The following MLH3 variants were observed in gnomAD, a reference collection of about 807,000 sequenced individuals.
MLH3 encodes the protein DNA mismatch repair protein Mlh3.
A neutral mutation model predicts 122.2 loss-of-function variants in MLH3; 82 were observed. The ratio of observed to expected loss-of-function variants is 0.67; its 90% CI spans 0.56 to 0.81. MLH3 has a LOEUF of 0.81. Among genes scored for constraint, MLH3 ranks in the 30% least tolerant of loss-of-function variants. The probability of loss-of-function intolerance (pLI) is 0.00; values close to 1 mark genes in which losing one functional copy is unlikely to be tolerated. For missense variants in MLH3, 1,539 were observed against 1,714.5 expected, an observed-to-expected ratio of 0.90 and a Z score of 1.81; for synonymous variants, 524 against 599.5, an observed-to-expected ratio of 0.87 and a Z score of 1.84.
chr14:75,029,108 C>T (rs1350856602), intron 9 of MLH3, among the ~76,000 whole-genome samples: 3 of 130,296 alleles, frequency 2.3e-5, no homozygotes, highest in Non-Finnish European at 4.6e-5. Context: ...TGAGATTGTG[C>T]CATTGCACTC....
intron 2 of MLH3, among the ~76,000 whole-genome samples, chr14:75,045,033 T>C (rs1337363040): frequency 6.6e-6 from 1 of 152,082 alleles, no homozygotes; most frequent in Non-Finnish European, 1.5e-5. Flanking sequence ...TGTGGTACGA[T>C]CTAAAAGCTA....
chr14:75,019,111 C>T lies in MLH3; in HGVS notation c.4091-131G>A, dbSNP rs1041830761. The stretch of plus-strand genomic sequence containing the variant: ...CTTCTTTAATGAAGCTTTAATCCTG[C>T]TTGAAATTGGTGCTTATAGGCCGGG... On this transcript the variant is annotated intron_variant, in intron 11 of 12. Coordinates refer to ENST00000355774, the MANE Select transcript of MLH3 (RefSeq NM_001040108.2). 5 of 874,116 alleles carry T rather than the reference C, an allele frequency of 5.7e-6. No homozygotes were observed. In the East Asian group the frequency reaches 1.3e-4, roughly 23 times the overall value. The allele number at this position is 874,116 out of a possible 1,614,324, so 54.1% of individuals were successfully genotyped here.
rs1229183661 is a variant in MLH3 at position 75,049,661 on chromosome 14, G to A, written c.-6C>T. ...ACTGACAAGCACTTGATCATGGTAG[G>A]TAGAAAGATGGTGAGAATGCCAGGC... On this transcript the variant is annotated 5_prime_UTR_variant, in exon 2 of 13. Transcript: ENST00000355774. 3 of 1,613,010 alleles carry A rather than the reference G, an allele frequency of 1.9e-6. No homozygotes were observed. Among genetic ancestry groups the A allele is most frequent in the African/African-American group, 2.7e-5 (2 of 74,924 alleles).
At chr14:75,028,754 T>C (rs1890829850) in intron 9 of MLH3, among the ~76,000 whole-genome samples, 1 of 151,858 alleles carries the variant, frequency 6.6e-6, no homozygotes, top group South Asian at 2.1e-4. Flanking sequence ...TAGCCTAACG[T>C]TGATCAGAAG....
chr14:75,024,636 T>G (rs1262887633), intron 9 of MLH3, among the ~76,000 whole-genome samples: 2 of 152,244 alleles, frequency 1.3e-5, no homozygotes, highest in Non-Finnish European at 2.9e-5. Flanking sequence ...TAGAAGGATG[T>G]ATTAATGATC....
chr14:75,029,340 GAA>G (rs1282288276), intron 9 of MLH3, among the ~76,000 whole-genome samples: 3 of 152,072 alleles, frequency 2.0e-5, no homozygotes, highest in Non-Finnish European at 4.4e-5. Flanking sequence ...TGGCAGAGGT[GAA>G]AGAAAATCTG....
chr14:75,050,508 T>C (rs933974981), intron 1 of MLH3, among the ~76,000 whole-genome samples: 1 of 152,062 alleles, frequency 6.6e-6, no homozygotes, highest in Non-Finnish European at 1.5e-5. Flanking sequence ...CAAGCAATCC[T>C]CCAGCCTTAG....
In MLH3 at chr14:75,047,723, T is replaced by C; in HGVS notation, c.1933A>G (p.Arg645Gly). 1 of 1,614,194 alleles carries C rather than the reference T, an allele frequency of 6.2e-7. No individual in the cohort carries two copies. The highest frequency in any genetic ancestry group is 8.5e-7 in the Non-Finnish European group (1 of 1,180,022). Residue 645 changes from arginine (R) to glycine (G), a missense_variant, in exon 2 of 13, where the codon AGA becomes GGA. Physicochemically the swap from Arg to Gly is moderately radical, Grantham distance 125 (BLOSUM62 -2). Transcript: ENST00000355774. ...PTRAQETFGNRTRHSVETPDI... is the reference protein window; with the variant it reads ...PTRAQETFGNGTRHSVETPDI... ...GGAGTTTCAACTGAATGACGTGTTC[T>C]ATTTCCAAATGTTTCTTGGGCACGT...
chr14:75,046,014 A>G (rs1443127967), intron 2 of MLH3, among the ~76,000 whole-genome samples: 1 of 152,002 alleles, frequency 6.6e-6, no homozygotes. Context: ...TCCTGTCTCT[A>G]CTGAAAATAA....
chr14:75,044,457 C>T (rs1209216920), intron 2 of MLH3, among the ~76,000 whole-genome samples: 1 of 152,124 alleles, frequency 6.6e-6, no homozygotes, highest in East Asian at 1.9e-4. Context: ...TTTTTGGCAC[C>T]ATATCAGAAG....
At chr14:75,019,804 A>G (rs1890155565) in intron 11 of MLH3, among the ~76,000 whole-genome samples, 3 of 152,236 alleles carry the variant, frequency 2.0e-5, no homozygotes, top group Admixed American at 6.5e-5. Context: ...CAGTCAACAA[A>G]TATTTATTAA....
In MLH3 at chr14:75,041,685, G is replaced by GTA; in HGVS notation, c.3393_3394dup (p.Thr1132IlefsTer30). On this transcript the variant is annotated frameshift_variant, in exon 4 of 13. Coordinates refer to ENST00000355774, the MANE Select transcript of MLH3 (RefSeq NM_001040108.2). LOFTEE classifies it high-confidence loss of function. ...AGACTGAAGCGATTCGCTACTAACA[G>GTA]TATCATCCACAGTATCTAGGGCAAA... 1 of 1,613,678 alleles carries GTA rather than the reference G, an allele frequency of 6.2e-7. No individual in the cohort carries two copies. Among genetic ancestry groups the GTA allele is most frequent in the Non-Finnish European group, 8.5e-7 (1 of 1,179,588 alleles).
intron 6 of MLH3, among the ~76,000 whole-genome samples, chr14:75,037,894 T>A (rs1214398424): frequency 6.6e-6 from 1 of 152,190 alleles, no homozygotes; most frequent in East Asian, 1.9e-4. Context: ...TTAATGTGCA[T>A]CCTGAGTATA....
At position 75,046,697 on chromosome 14, in the gene MLH3, G is replaced by A. The variant is rs933183454; in HGVS notation, c.2959C>T (p.Leu987Phe). ...SKVTGKDSDV[L>F]IRASEQQIGS... ...ATCTGTTGTTCTGAGGCTCTGATAA[G>A]AACATCTGAATCTTTACCGGTAACT... The change falls in exon 2 of 13, where the codon CTT (leucine) becomes TTT (phenylalanine). Residue 987 changes from leucine to phenylalanine, a missense_variant. Coordinates refer to ENST00000355774, the MANE Select transcript of MLH3 (RefSeq NM_001040108.2). 6.8e-6 allele frequency: 11 copies of A among 1,614,064 alleles called. No individual in the cohort carries two copies. The highest frequency in any genetic ancestry group is 1.3e-5 in the African/African-American group (1 of 74,930).
chr14:75,030,283 C>T (rs771195696), intron 9 of MLH3, among the ~76,000 whole-genome samples: 1 of 152,202 alleles, frequency 6.6e-6, no homozygotes, highest in Non-Finnish European at 1.5e-5. Flanking sequence ...GCATTCTAGA[C>T]TCTTAGTTTT....
intron 9 of MLH3, among the ~76,000 whole-genome samples, chr14:75,023,225 C>CT: frequency 6.6e-6 from 1 of 152,126 alleles, no homozygotes; most frequent in East Asian, 1.9e-4. Flanking sequence ...TCTTATTGAA[C>CT]ACAGAATATA....
At chr14:75,026,348 C>T (rs1890628614) in intron 9 of MLH3, among the ~76,000 whole-genome samples, 1 of 152,014 alleles carries the variant, frequency 6.6e-6, no homozygotes, top group Non-Finnish European at 1.5e-5. Context: ...AAAATATAGC[C>T]ATTGAAATAA....
At chr14:75,030,847 G>C in intron 8 of MLH3, 145 bp from the exon 9 acceptor site, 1 of 681,286 alleles carries the variant, frequency 1.5e-6, no homozygotes, top group East Asian at 2.7e-5. Flanking sequence ...CTTATGTGTG[G>C]GTGTTTGGGA....
chr14:75,033,312 A>T, intron 7 of MLH3, 107 bp downstream of exon 7: 1 of 852,306 alleles, frequency 1.2e-6, no homozygotes, highest in East Asian at 2.5e-5. Flanking sequence ...TTGAACATAC[A>T]GTACAAAGTG....
Sources: allele counts gnomAD v4.1 joint callset (sites outside exome capture counted in the v4.1 genomes callset), GRCh38; gene constraint gnomAD v4.1.1; transcripts MANE v1.5; gene names NCBI Gene and HGNC (gene_info 2026-07-23, HGNC 2026-07-21).